Variants in HIBADH observed in about 807,000 individuals in gnomAD.
HIBADH encodes the protein 3-hydroxyisobutyrate dehydrogenase.
HIBADH carries 25 observed loss-of-function variants against 36.1 expected under a neutral mutation model. The observed-to-expected ratio is 0.69, with a 90% CI of 0.50 to 0.97. The LOEUF (loss-of-function observed/expected upper bound fraction) is 0.97. HIBADH is among the 50% of genes least tolerant of loss of function. The probability of loss-of-function intolerance (pLI) is 0.00; values close to 1 mark genes in which losing one functional copy is unlikely to be tolerated. For synonymous variants in HIBADH, 160 were observed against 149.5 expected (o/e 1.07, Z -0.51); for missense variants, 421 against 418.0 (o/e 1.01, Z -0.06).
chr7:27,616,753 C>T (rs533033610), intron 4 of HIBADH, among the ~76,000 whole-genome samples: 53 of 151,902 alleles, frequency 3.5e-4, no homozygotes, highest in African/African-American at 9.7e-4. Context: ...TGAGCCACTG[C>T]GCCCAGCCCC....
At chr7:27,614,647 AT>A (rs1562644393) in intron 4 of HIBADH, among the ~76,000 whole-genome samples, 1 of 152,244 alleles carries the variant, frequency 6.6e-6, no homozygotes, top group African/African-American at 2.4e-5. Flanking sequence ...TTGTTGCTAT[AT>A]AAAAATCCTC....
At chr7:27,616,330 G>GCAACTCCCATT in intron 4 of HIBADH, among the ~76,000 whole-genome samples, 1 of 152,216 alleles carries the variant, frequency 6.6e-6, no homozygotes, top group East Asian at 1.9e-4. Context: ...CTCCAACACT[G>GCAACTCCCATT]GGGATCAAAT....
intron 5 of HIBADH, among the ~76,000 whole-genome samples, chr7:27,540,189 A>ATT (rs1784127956): frequency 6.6e-6 from 1 of 152,200 alleles, no homozygotes; most frequent in Non-Finnish European, 1.5e-5. Flanking sequence ...CAGTGTCTGT[A>ATT]TCAGAGAAGG....
intron 4 of HIBADH, among the ~76,000 whole-genome samples, chr7:27,544,780 G>A (rs1299654442): frequency 1.3e-5 from 2 of 152,044 alleles, no homozygotes; most frequent in East Asian, 1.9e-4. Flanking sequence ...AAATAGCTTC[G>A]GAGTCATTTA....
chr7:27,544,308 T>C (rs1356097087), intron 4 of HIBADH, among the ~76,000 whole-genome samples: 1 of 152,228 alleles, frequency 6.6e-6, no homozygotes, highest in South Asian at 2.1e-4. Context: ...ATACTATTCA[T>C]AAGCAATTAT....
chr7:27,609,740 A>C (rs1785292523), intron 4 of HIBADH, among the ~76,000 whole-genome samples: 1 of 152,194 alleles, frequency 6.6e-6, no homozygotes, highest in Non-Finnish European at 1.5e-5. Flanking sequence ...TTCATATAAT[A>C]GTCAACGCAC....
intron 4 of HIBADH, among the ~76,000 whole-genome samples, chr7:27,597,075 G>GA (rs916506595): frequency 6.6e-6 from 1 of 151,626 alleles, no homozygotes; most frequent in Non-Finnish European, 1.5e-5. Flanking sequence ...TAAAAAATCG[G>GA]AAAAAATAAG....
chr7:27,588,613 G>A (rs1274809525), intron 4 of HIBADH, among the ~76,000 whole-genome samples: 1 of 152,162 alleles, frequency 6.6e-6, no homozygotes, highest in Non-Finnish European at 1.5e-5. Flanking sequence ...TTACAGGGAT[G>A]AGCCACCACA....
intron 2 of HIBADH, among the ~76,000 whole-genome samples, chr7:27,644,854 G>A (rs1430707833): frequency 6.6e-6 from 1 of 151,884 alleles, no homozygotes; most frequent in Non-Finnish European, 1.5e-5. Flanking sequence ...AGCAACCACT[G>A]ATCTACTTTG....
chr7:27,539,706 A>G (rs1394311724), intron 5 of HIBADH, among the ~76,000 whole-genome samples: 1 of 152,172 alleles, frequency 6.6e-6, no homozygotes, highest in Non-Finnish European at 1.5e-5. Flanking sequence ...CAGTGCAGTC[A>G]AAAACCCATG....
intron 4 of HIBADH, among the ~76,000 whole-genome samples, chr7:27,596,170 T>C (rs1785028804): frequency 6.6e-6 from 1 of 152,212 alleles, no homozygotes. Flanking sequence ...GGGTTCCAGC[T>C]CTGCCTCCAA....
intron 2 of HIBADH, among the ~76,000 whole-genome samples, chr7:27,644,651 G>A (rs1344071674): frequency 1.3e-5 from 2 of 149,688 alleles, no homozygotes; most frequent in African/African-American, 4.9e-5. Flanking sequence ...TGTAGTCACA[G>A]CTACTCGGGA....
At chr7:27,589,270 C>G (rs1784907502) in intron 4 of HIBADH, among the ~76,000 whole-genome samples, 1 of 152,040 alleles carries the variant, frequency 6.6e-6, no homozygotes, top group Non-Finnish European at 1.5e-5. Context: ...ATTAGGAAAA[C>G]CTTAATTTTT....
chr7:27,649,978 T>C (rs1053929090), intron 1 of HIBADH, among the ~76,000 whole-genome samples: 2 of 152,096 alleles, frequency 1.3e-5, no homozygotes, highest in South Asian at 2.1e-4. Flanking sequence ...GCAGGCAGAC[T>C]AACTTCTAAT....
chr7:27,645,379 T>TTTTTTG lies in HIBADH; in HGVS notation c.252+4093_252+4094insCAAAAA, dbSNP rs1562657274. Among the ~76,000 whole-genome samples the TTTTTTG allele has an allele frequency of 8.7e-5, 11 of 127,150 alleles. 1 individual carries two copies. The highest frequency in any genetic ancestry group is 3.5e-4 in the African/African-American group (11 of 31,178). The allele number at this position is 127,150 out of a possible 152,430, so 83.4% of individuals were successfully genotyped here. ...GTCTCATGGTTTTGATTTTTTTTTTTTTTTTTTTTTTTTTTTGAGACAGAG... is the reference window on the plus strand; with the variant it reads ...GTCTCATGGTTTTGATTTTTTTTTTTTTTTTGTTTTTTTTTTTTTTTTGAGACAGAG... On this transcript the variant is annotated intron_variant, in intron 2 of 7. Transcript: ENST00000265395.
intron 1 of HIBADH, among the ~76,000 whole-genome samples, chr7:27,655,154 T>G: frequency 6.6e-6 from 1 of 152,186 alleles, no homozygotes; most frequent in Admixed American, 6.5e-5. Context: ...CAGTTCTCAA[T>G]TAGTACTAAA....
intron 4 of HIBADH, among the ~76,000 whole-genome samples, chr7:27,561,628 T>A (rs1238250093): frequency 6.6e-6 from 1 of 152,174 alleles, no homozygotes; most frequent in Non-Finnish European, 1.5e-5. Context: ...TGTGTCCACC[T>A]GATCAAATTT....
chr7:27,571,972 T>C (rs567622658), intron 4 of HIBADH, among the ~76,000 whole-genome samples: 5 of 152,312 alleles, frequency 3.3e-5, no homozygotes, highest in African/African-American at 1.2e-4. Flanking sequence ...GTTAGATTCT[T>C]TAACTAGCAG....
intron 2 of HIBADH, 39 bp from the exon 3 acceptor site, chr7:27,632,484 A>T: frequency 7.2e-7 from 1 of 1,392,628 alleles, no homozygotes. Context: ...TTTAAATTAA[A>T]ATGTAAGCAG....
Sources: allele counts gnomAD v4.1 joint callset (sites outside exome capture counted in the v4.1 genomes callset), GRCh38; gene constraint gnomAD v4.1.1; transcripts MANE v1.5; gene names NCBI Gene and HGNC (gene_info 2026-07-23, HGNC 2026-07-21).